Variants in CMC1 observed in about 807,000 individuals in gnomAD.
CMC1 encodes COX assembly mitochondrial protein homolog.
In CMC1, 14 loss-of-function variants were observed where a neutral mutation model predicts 14.1. That is an observed-to-expected ratio of 0.99 (90% CI 0.66 to 1.55). CMC1 has a LOEUF of 1.55. Ranked by LOEUF, CMC1 falls within the 40% of genes most tolerant of loss-of-function variation. CMC1 has a pLI of 0.00. For missense variants in CMC1, 127 were observed against 123.8 expected (o/e 1.03, Z -0.12); for synonymous variants, 50 against 38.4 (o/e 1.30, Z -1.12).
chr3:28,288,974 T>C (rs1227226968), intron 2 of CMC1, among the ~76,000 whole-genome samples: 1 of 151,624 alleles, frequency 6.6e-6, no homozygotes, highest in African/African-American at 2.4e-5. Context: ...ATATGAAATA[T>C]TTGGTTGGGA....
chr3:28,266,056 T>G (rs1348976609), intron 2 of CMC1, among the ~76,000 whole-genome samples: 1 of 152,170 alleles, frequency 6.6e-6, no homozygotes, highest in Non-Finnish European at 1.5e-5. Context: ...TGAATATCAA[T>G]TTCAGCCAGG....
chr3:28,248,631 T>A (rs1198794498), intron 1 of CMC1, among the ~76,000 whole-genome samples: 3 of 152,130 alleles, frequency 2.0e-5, no homozygotes. Context: ...ATTTTTTGTT[T>A]GGGGTGTTAA....
chr3:28,261,735 G>A (rs1216680977), intron 1 of CMC1, among the ~76,000 whole-genome samples: 2 of 152,086 alleles, frequency 1.3e-5, no homozygotes, highest in South Asian at 2.1e-4. Flanking sequence ...CCCAGTGTAC[G>A]AAGGGGATTG....
At chr3:28,255,722 TAC>T (rs372487968) in intron 1 of CMC1, among the ~76,000 whole-genome samples, 2,320 of 143,892 alleles carry the variant, frequency 0.016, 27 homozygotes, top group African/African-American at 0.044. Context: ...TACATGTACA[TAC>T]ACACACACAC....
chr3:28,313,270 AT>A (rs1481350828), intron 2 of CMC1, among the ~76,000 whole-genome samples: 3 of 152,234 alleles, frequency 2.0e-5, no homozygotes, highest in Non-Finnish European at 2.9e-5. Context: ...AAAGAAAAAA[AT>A]ATACTGAGTG....
At chr3:28,264,275 A>G (rs1420362366) in intron 2 of CMC1, among the ~76,000 whole-genome samples, 1 of 152,138 alleles carries the variant, frequency 6.6e-6, no homozygotes, top group Non-Finnish European at 1.5e-5. Flanking sequence ...AAGCTTCACT[A>G]CAGGGGAGCA....
Position 28,319,752 on chromosome 3 carries a change from G to T in CMC1, c.*123G>T. Reference sequence around the variant, plus strand: ...AATTATGGAAATATTAACTTTATCTGAAATAAATATTTTATTTCAAAGTTT... The same window carrying T: ...AATTATGGAAATATTAACTTTATCTTAAATAAATATTTTATTTCAAAGTTT... On this transcript the variant is annotated 3_prime_UTR_variant, in exon 4 of 4. Transcript: ENST00000466830. The T allele has an allele frequency of 1.2e-6, 1 of 804,816 alleles. No homozygotes were observed. Among genetic ancestry groups the T allele is most frequent in the African/African-American group, 1.8e-5 (1 of 55,386 alleles). The allele number at this position is 804,816 out of a possible 1,614,324, so 49.9% of individuals were successfully genotyped here.
At chr3:28,309,235 A>C (rs1702498938) in intron 2 of CMC1, among the ~76,000 whole-genome samples, 1 of 152,070 alleles carries the variant, frequency 6.6e-6, no homozygotes, top group African/African-American at 2.4e-5. Context: ...ACCTGCTTCC[A>C]ACTCATAGGT....
At chr3:28,281,147 A>G (rs568538244) in intron 2 of CMC1, among the ~76,000 whole-genome samples, 5 of 152,356 alleles carry the variant, frequency 3.3e-5, no homozygotes, top group South Asian at 2.1e-4. Context: ...AAATTTATGA[A>G]TACTTACCAT....
chr3:28,292,105 T>C (rs9831010), intron 2 of CMC1, among the ~76,000 whole-genome samples: 121,002 of 152,056 alleles, frequency 0.8, 48,724 homozygotes, highest in African/African-American at 0.93. Flanking sequence ...GGTATTTTAA[T>C]TCATTTTCTT....
chr3:28,259,649 T>C (rs900665754), intron 1 of CMC1, among the ~76,000 whole-genome samples: 2 of 152,190 alleles, frequency 1.3e-5, no homozygotes, highest in African/African-American at 4.8e-5. Context: ...AGAAGTTTTT[T>C]TCTTTAACTT....
At chr3:28,253,790 T>TA (rs1270908794) in intron 1 of CMC1, 48 of 1,205,046 alleles carry the variant, frequency 4.0e-5, no homozygotes, top group Admixed American at 7.0e-5. Context: ...GTAAATTTTT[T>TA]AAAAAATGGC....
At chr3:28,253,718 G>GT in intron 1 of CMC1, 1 of 1,275,636 alleles carries the variant, frequency 7.8e-7, no homozygotes, top group South Asian at 1.2e-5. Flanking sequence ...CATTTTTCAT[G>GT]TTTTTCCTAC....
At chr3:28,303,668 G>A (rs1165615923) in intron 2 of CMC1, among the ~76,000 whole-genome samples, 1 of 151,994 alleles carries the variant, frequency 6.6e-6, no homozygotes, top group Non-Finnish European at 1.5e-5. Flanking sequence ...ATATTAGAGT[G>A]AGTTAAATCA....
At chr3:28,244,988 C>G (rs1309951161) in intron 1 of CMC1, among the ~76,000 whole-genome samples, 1 of 132,956 alleles carries the variant, frequency 7.5e-6, no homozygotes, top group Non-Finnish European at 1.6e-5. Flanking sequence ...TTATTTGGTT[C>G]ATACGTTGAA....
chr3:28,267,579 T>A (rs1465831370), intron 2 of CMC1, among the ~76,000 whole-genome samples: 1 of 152,194 alleles, frequency 6.6e-6, no homozygotes, highest in Non-Finnish European at 1.5e-5. Context: ...ATAAGTGGGA[T>A]ATAGCTCTGA....
At chr3:28,264,696 A>AAAAAT (rs1272272697) in intron 2 of CMC1, among the ~76,000 whole-genome samples, 4 of 152,120 alleles carry the variant, frequency 2.6e-5, no homozygotes, top group Non-Finnish European at 5.9e-5. Context: ...ATACAACTTA[A>AAAAAT]AAAATATATA....
intron 2 of CMC1, among the ~76,000 whole-genome samples, chr3:28,302,914 G>T (rs1433487060): frequency 6.6e-6 from 1 of 152,144 alleles, no homozygotes; most frequent in Non-Finnish European, 1.5e-5. Flanking sequence ...AAGCGTAGGA[G>T]TTTTTCATGT....
intron 1 of CMC1, among the ~76,000 whole-genome samples, chr3:28,251,596 A>G (rs1456946491): frequency 2.6e-5 from 4 of 152,338 alleles, no homozygotes; most frequent in South Asian, 4.1e-4. Context: ...CTGAAGCCAT[A>G]CCAAGAAAGA....
Sources: allele counts gnomAD v4.1 joint callset (sites outside exome capture counted in the v4.1 genomes callset), GRCh38; gene constraint gnomAD v4.1.1; transcripts MANE v1.5; gene names NCBI Gene and HGNC (gene_info 2026-07-23, HGNC 2026-07-21).